Variants in ATP13A4 observed in about 807,000 individuals in gnomAD.
ATP13A4 encodes ATPase 13A4, also known as probable cation-transporting ATPase 13A4.
A neutral mutation model predicts 142.5 loss-of-function variants in ATP13A4; 114 were observed. The observed-to-expected ratio is 0.80, with a 90% CI of 0.69 to 0.93. The LOEUF is 0.93. Among genes scored for constraint, ATP13A4 ranks in the 40% least tolerant of loss-of-function variants. The pLI is 0.00. For synonymous variants in ATP13A4, 488 were observed against 514.8 expected, an observed-to-expected ratio of 0.95 and a Z score of 0.70; for missense variants, 1,392 against 1,454.0, an observed-to-expected ratio of 0.96 and a Z score of 0.69.
At chr3:193,503,896 C>A (rs1488761502) in intron 2 of ATP13A4, among the ~76,000 whole-genome samples, 1 of 152,016 alleles carries the variant, frequency 6.6e-6, no homozygotes, top group East Asian at 1.9e-4. Context: ...ACATTTTACC[C>A]TTTGCCTATC....
intron 1 of ATP13A4, among the ~76,000 whole-genome samples, chr3:193,541,391 T>C (rs1722918011): frequency 8.6e-6 from 1 of 116,210 alleles, no homozygotes; most frequent in Non-Finnish European, 2.1e-5. Flanking sequence ...ATTATCTATC[T>C]GTGATTATCG....
chr3:193,438,719 C>A, intron 22 of ATP13A4, 135 bp from the exon 23 acceptor site: 1 of 789,122 alleles, frequency 1.3e-6, no homozygotes, highest in South Asian at 1.5e-5. Context: ...CTTAACCCTG[C>A]CTGGAACATG....
intron 1 of ATP13A4, among the ~76,000 whole-genome samples, chr3:193,540,451 G>C (rs889998815): frequency 1.5e-5 from 2 of 132,152 alleles, no homozygotes; most frequent in Non-Finnish European, 3.1e-5. Flanking sequence ...CCTGACAGGA[G>C]TATTAAAAGT....
intron 14 of ATP13A4, among the ~76,000 whole-genome samples, chr3:193,458,423 A>T (rs897640318): frequency 8.5e-5 from 13 of 152,206 alleles, no homozygotes; most frequent in African/African-American, 3.1e-4. Flanking sequence ...GTCTAATTCA[A>T]CTTCATTTTA....
chr3:193,531,284 GAGGGAGGGAGGGAGGA>G (rs1344041016), intron 1 of ATP13A4, among the ~76,000 whole-genome samples: 588 of 113,194 alleles, frequency 5.2e-3, no homozygotes, highest in Admixed American at 8.6e-3. Flanking sequence ...GGGAGGGAGG[GAGGGAGGGAGGGAGGA>G]AGGAAGGAAG....
intron 25 of ATP13A4, among the ~76,000 whole-genome samples, chr3:193,422,904 A>C (rs1487690405): frequency 1.3e-5 from 2 of 149,734 alleles, no homozygotes; most frequent in Non-Finnish European, 3.0e-5. Flanking sequence ...AATTGACCTA[A>C]AAGCAATACA....
upstream of ATP13A4, chr3:193,555,059 C>G: frequency 1.3e-6 from 1 of 780,734 alleles, no homozygotes; most frequent in Non-Finnish European, 1.9e-6. Flanking sequence ...GCAGCTGTCT[C>G]AAAGGAGGCT....
chr3:193,526,719 AT>A (rs1722025388), intron 1 of ATP13A4, among the ~76,000 whole-genome samples: 1 of 152,218 alleles, frequency 6.6e-6, no homozygotes, highest in African/African-American at 2.4e-5. Context: ...TTAGAAAAAA[AT>A]AATATGTTTA....
At chr3:193,546,669 C>G (rs1723245373) in intron 1 of ATP13A4, among the ~76,000 whole-genome samples, 1 of 152,156 alleles carries the variant, frequency 6.6e-6, no homozygotes, top group Non-Finnish European at 1.5e-5. Flanking sequence ...TTCAATTACA[C>G]CCTAATGTTT....
chr3:193,501,587 T>TA (rs149104526), intron 3 of ATP13A4, among the ~76,000 whole-genome samples: 5,778 of 125,968 alleles, frequency 0.046, 356 homozygotes, highest in African/African-American at 0.15. Context: ...AAACTCCATT[T>TA]AAAAAAAAAA....
At chr3:193,442,219 C>T (rs1361162205) in intron 19 of ATP13A4, among the ~76,000 whole-genome samples, 174 bp downstream of exon 19, 2 of 152,202 alleles carry the variant, frequency 1.3e-5, no homozygotes, top group African/African-American at 4.8e-5. Flanking sequence ...CAGGAAAGCA[C>T]TATACCTTCA....
chr3:193,422,204 C>G lies in ATP13A4; in HGVS notation c.2843-7454G>C, dbSNP rs879687589. ...AAAACTGTCACAAGAGACAATGCAT[C>G]CAACATTGAAGCACGTAAATATATA... On this transcript the variant is annotated intron_variant, in intron 25 of 29. Coordinates refer to ENST00000342695, the MANE Select transcript of ATP13A4 (RefSeq NM_032279.4). Among the ~76,000 whole-genome samples, 6 of 149,680 alleles carry G rather than the reference C, an allele frequency of 4.0e-5. 1 individual carries two copies. The highest frequency in any genetic ancestry group is 1.4e-4 in the Admixed American group (2 of 14,510).
At chr3:193,524,503 G>A (rs1305276539) in intron 1 of ATP13A4, among the ~76,000 whole-genome samples, 2 of 152,218 alleles carry the variant, frequency 1.3e-5, no homozygotes, top group African/African-American at 4.8e-5. Context: ...CAAAATCTGA[G>A]AGGTGTAAGA....
intron 10 of ATP13A4, among the ~76,000 whole-genome samples, chr3:193,467,078 T>TCA (rs1245288564): frequency 1.3e-5 from 2 of 152,136 alleles, no homozygotes; most frequent in Admixed American, 6.5e-5. Flanking sequence ...GACAACTGCT[T>TCA]GAGGGAATAG....
chr3:193,424,667 T>C (rs761260540), intron 25 of ATP13A4, among the ~76,000 whole-genome samples: 27 of 149,430 alleles, frequency 1.8e-4, no homozygotes, highest in Non-Finnish European at 3.7e-4. Flanking sequence ...AATAAGAAAA[T>C]TAACTCAAAG....
Position 193,433,829 on chromosome 3 carries a change from T to C in ATP13A4, c.2842+16A>G, listed in dbSNP as rs1013241401. 6.2e-7 allele frequency: 1 copy of C among 1,606,830 alleles called. No homozygotes were observed. Among genetic ancestry groups the C allele is most frequent in the African/African-American group, 1.3e-5 (1 of 74,858 alleles). On this transcript the variant is annotated intron_variant, in intron 25 of 29. Coordinates refer to ENST00000342695, the MANE Select transcript of ATP13A4 (RefSeq NM_032279.4). ...GAGGGTAGCACCTCTGGTAAGAAAGTTTTAAAATGTCTTACTTGTTACACC... is the reference window on the plus strand; with the variant it reads ...GAGGGTAGCACCTCTGGTAAGAAAGCTTTAAAATGTCTTACTTGTTACACC...
In ATP13A4 at chr3:193,437,117, A is replaced by C. The variant is rs1160236233; in HGVS notation, c.2672+1358T>G. Among the ~76,000 whole-genome samples, 48 of 140,930 alleles carry C rather than the reference A, an allele frequency of 3.4e-4. 1 individual carries two copies. The highest frequency in any genetic ancestry group is 1.9e-3 in the Admixed American group (28 of 14,828). The allele number at this position is 140,930 out of a possible 152,430, so 92.5% of individuals were successfully genotyped here. On this transcript the variant is annotated intron_variant, in intron 23 of 29. Coordinates refer to ENST00000342695, the MANE Select transcript of ATP13A4 (RefSeq NM_032279.4). ...AGACTCCGTCTCAAAAAAAAAAAAA[A>C]AAAAACCTGATCCTCAAACCAGGTT...
At chr3:193,535,671 A>C (rs1722556207) in intron 1 of ATP13A4, among the ~76,000 whole-genome samples, 1 of 152,130 alleles carries the variant, frequency 6.6e-6, no homozygotes, top group African/African-American at 2.4e-5. Flanking sequence ...GAACAAAGAA[A>C]ATAATAAAGA....
chr3:193,582,673 ACAT>A lies in ATP13A4; in HGVS notation n.92-770_92-768del, dbSNP rs1724582432. ...ATTACATACATTATATATGTATATT[ACAT>A]ATATATTATATATGTGTATAACATA... On this transcript the variant is annotated intron_variant and non_coding_transcript_variant, in intron 1 of 3. Coordinates refer to the ATP13A4 transcript ENST00000489140. Among the ~76,000 whole-genome samples, 5 of 70,946 alleles carry A rather than the reference ACAT, an allele frequency of 7.0e-5. 1 individual carries two copies. The highest frequency in any genetic ancestry group is 1.2e-4 in the Non-Finnish European group (5 of 40,736). The allele number at this position is 70,946 out of a possible 152,430, so 46.5% of individuals were successfully genotyped here.
Sources: allele counts gnomAD v4.1 joint callset (sites outside exome capture counted in the v4.1 genomes callset), GRCh38; gene constraint gnomAD v4.1.1; transcripts MANE v1.5; gene names NCBI Gene and HGNC (gene_info 2026-07-23, HGNC 2026-07-21).